The following HDAC9 variants were observed in gnomAD, a reference collection of about 807,000 sequenced individuals.
The protein encoded by HDAC9 is histone deacetylase 9, also known as MEF-2 interacting transcription repressor (MITR) protein.
In HDAC9, 41 loss-of-function variants were observed where a neutral mutation model predicts 139.4. The ratio of observed to expected loss-of-function variants is 0.29; its 90% CI spans 0.23 to 0.38. The LOEUF (loss-of-function observed/expected upper bound fraction) is 0.38, where lower values mean the gene tolerates loss of function less well. Among genes scored for constraint, HDAC9 ranks in the 10% least tolerant of loss-of-function variants. The pLI is 1.00. For synonymous variants in HDAC9, 517 were observed against 476.2 expected (o/e 1.09, Z -1.12); for missense variants, 1,147 against 1,297.0 (o/e 0.88, Z 1.78).
At chr7:18,390,132 G>T (rs962908400) in intron 1 of HDAC9, among the ~76,000 whole-genome samples, 2 of 151,482 alleles carry the variant, frequency 1.3e-5, no homozygotes, top group Admixed American at 1.3e-4. Flanking sequence ...ATGAGGCAAG[G>T]GGTGAGAACT....
At chr7:18,858,824 A>T (rs1017185289) in intron 21 of HDAC9, among the ~76,000 whole-genome samples, 2 of 152,108 alleles carry the variant, frequency 1.3e-5, no homozygotes, top group Non-Finnish European at 2.9e-5. Flanking sequence ...GCAGTGTCTC[A>T]TTTTTACCAT....
At chr7:18,191,033 A>G (rs555495961) in intron 2 of HDAC9, among the ~76,000 whole-genome samples, 3 of 152,310 alleles carry the variant, frequency 2.0e-5, no homozygotes, top group African/African-American at 7.2e-5. Flanking sequence ...TTTGAACAAC[A>G]CAGGGATTAA....
At chr7:18,804,333 T>C (rs1044655084) in intron 17 of HDAC9, among the ~76,000 whole-genome samples, 4 of 152,152 alleles carry the variant, frequency 2.6e-5, no homozygotes, top group East Asian at 1.9e-4. Flanking sequence ...GTTAGAGAGA[T>C]AGTCAAGTGC....
At chr7:18,723,738 T>C (rs904981467) in intron 12 of HDAC9, among the ~76,000 whole-genome samples, 1 of 151,618 alleles carries the variant, frequency 6.6e-6, no homozygotes, top group Non-Finnish European at 1.5e-5. Context: ...AGGTAGCGGG[T>C]GGTGTTATTT....
rs556471655 is a variant in HDAC9 at position 18,746,889 on chromosome 7, C to T, written c.1910-2116C>T. 2.8e-3 allele frequency among the ~76,000 whole-genome samples: 422 copies of T among 152,054 alleles called. 2 individuals are homozygous for T. Among genetic ancestry groups the T allele is most frequent in the African/African-American group, 9.8e-3 (407 of 41,470 alleles). On this transcript the variant is annotated intron_variant, in intron 13 of 25. Transcript: ENST00000686413. ...TTGTGACAAATGCTTGAAGGAGATC[C>T]AGAGGATGCTAAGAGAGTATATAGT...
intron 6 of HDAC9, among the ~76,000 whole-genome samples, chr7:18,614,135 T>A (rs1837942589): frequency 6.6e-6 from 1 of 152,158 alleles, no homozygotes; most frequent in Admixed American, 6.6e-5. Flanking sequence ...AATGAATAGG[T>A]TGATCAGGAC....
chr7:18,432,097 A>G (rs1334436332), intron 1 of HDAC9, among the ~76,000 whole-genome samples: 1 of 152,210 alleles, frequency 6.6e-6, no homozygotes, highest in African/African-American at 2.4e-5. Context: ...AAATTCAATC[A>G]TGGCTTTCAA....
intron 2 of HDAC9, among the ~76,000 whole-genome samples, chr7:18,532,569 A>G (rs1295442492): frequency 2.0e-5 from 3 of 152,128 alleles, no homozygotes; most frequent in African/African-American, 7.2e-5. Flanking sequence ...CTGAATATTG[A>G]CTATCGTGAG....
At chr7:18,269,732 A>G (rs1796231718) in intron 2 of HDAC9, among the ~76,000 whole-genome samples, 2 of 152,064 alleles carry the variant, frequency 1.3e-5, no homozygotes, top group Admixed American at 1.3e-4. Context: ...ATACACATAT[A>G]TATACGTATA....
chr7:18,307,805 AT>A (rs567934114), intron 1 of HDAC9, among the ~76,000 whole-genome samples: 1 of 152,058 alleles, frequency 6.6e-6, no homozygotes, highest in Non-Finnish European at 1.5e-5. Flanking sequence ...TCTGTCCCAA[AT>A]TTTTTTTAAA....
At chr7:18,410,687 G>A (rs1352246996) in intron 1 of HDAC9, among the ~76,000 whole-genome samples, 2 of 152,100 alleles carry the variant, frequency 1.3e-5, no homozygotes, top group Non-Finnish European at 1.5e-5. Context: ...TGACAGGAAT[G>A]TATTTCCTTA....
chr7:18,503,259 G>A (rs1049740560), intron 2 of HDAC9, among the ~76,000 whole-genome samples: 8 of 152,164 alleles, frequency 5.3e-5, no homozygotes, highest in Admixed American at 1.3e-4. Context: ...GATATGTGGT[G>A]TCCTTCCTGT....
chr7:18,126,743 G>A (rs1417799690), intron 1 of HDAC9, among the ~76,000 whole-genome samples: 1 of 152,114 alleles, frequency 6.6e-6, no homozygotes, highest in Non-Finnish European at 1.5e-5. Flanking sequence ...TTCTGAGAGT[G>A]AGGGGTTTAC....
At chr7:18,918,986 A>G (rs1029903774) in intron 22 of HDAC9, among the ~76,000 whole-genome samples, 3 of 152,018 alleles carry the variant, frequency 2.0e-5, no homozygotes, top group Non-Finnish European at 4.4e-5. Flanking sequence ...TGTGCAAATC[A>G]AGTCTTTGCC....
At chr7:18,466,242 G>A (rs1291214184) in intron 1 of HDAC9, among the ~76,000 whole-genome samples, 1 of 152,142 alleles carries the variant, frequency 6.6e-6, no homozygotes, top group African/African-American at 2.4e-5. Flanking sequence ...TCTTGCCCAG[G>A]CTAGAGTGCA....
At chr7:18,196,331 T>A (rs1330856915) in intron 2 of HDAC9, among the ~76,000 whole-genome samples, 2 of 152,096 alleles carry the variant, frequency 1.3e-5, no homozygotes, top group African/African-American at 4.8e-5. Flanking sequence ...CACATGAGGA[T>A]TAGGAAATTA....
intron 2 of HDAC9, among the ~76,000 whole-genome samples, chr7:18,504,302 A>G (rs926806234): frequency 2.0e-5 from 3 of 151,518 alleles, no homozygotes; most frequent in African/African-American, 4.9e-5. Context: ...ATTTTATTTT[A>G]TTTTGTTTTG....
At chr7:18,387,071 G>A (rs879370603) in intron 1 of HDAC9, among the ~76,000 whole-genome samples, 4 of 152,170 alleles carry the variant, frequency 2.6e-5, no homozygotes, top group Admixed American at 2.6e-4. Context: ...GGAATATGGA[G>A]CTTCCATTTC....
chr7:18,723,900 TA>T (rs1450676741), intron 12 of HDAC9, among the ~76,000 whole-genome samples: 2 of 152,100 alleles, frequency 1.3e-5, no homozygotes, highest in African/African-American at 4.8e-5. Context: ...GACAAAATAA[TA>T]TGGCTTCTAG....
Sources: gnomAD v4.1 joint callset for allele counts (sites outside exome capture counted in the v4.1 genomes callset) on GRCh38, gnomAD v4.1.1 for gene constraint, MANE v1.5 for transcripts, NCBI Gene and HGNC (gene_info 2026-07-23, HGNC 2026-07-21) for gene names.